The following DLGAP1 variants were observed in gnomAD, a reference collection of about 807,000 sequenced individuals.
DLGAP1 encodes DLG associated protein 1.
Under a neutral mutation model 90.8 loss-of-function variants are expected in DLGAP1, and 11 were observed. That is an observed-to-expected ratio of 0.12 (90% CI 0.08 to 0.20). The LOEUF (loss-of-function observed/expected upper bound fraction) is 0.20. Among genes scored for constraint, DLGAP1 ranks in the 10% least tolerant of loss-of-function variants. DLGAP1 has a pLI of 1.00. For synonymous variants in DLGAP1, 558 were observed against 540.7 expected, an observed-to-expected ratio of 1.03 and a Z score of -0.44; for missense variants, 1,050 against 1,333.8, an observed-to-expected ratio of 0.79 and a Z score of 3.31.
intron 5 of DLGAP1, among the ~76,000 whole-genome samples, chr18:3,807,070 T>C (rs565515552): frequency 3.9e-5 from 6 of 152,298 alleles, no homozygotes; most frequent in African/African-American, 1.4e-4. Flanking sequence ...TGGTCCTTCT[T>C]TCCTGCACCT....
chr18:4,094,367 C>A (rs1018297026), intron 2 of DLGAP1, among the ~76,000 whole-genome samples: 1 of 151,994 alleles, frequency 6.6e-6, no homozygotes, highest in Non-Finnish European at 1.5e-5. Flanking sequence ...TTATGGTACA[C>A]GGTTATGTAT....
intron 1 of DLGAP1, among the ~76,000 whole-genome samples, chr18:4,366,471 G>A (rs1314960321): frequency 6.6e-6 from 1 of 151,976 alleles, no homozygotes; most frequent in Non-Finnish European, 1.5e-5. Flanking sequence ...TTTCTTGTAG[G>A]GAGTGAAAAA....
chr18:4,242,515 CA>C lies in DLGAP1; in HGVS notation c.-266-91229del, dbSNP rs965000118. Among the ~76,000 whole-genome samples, 10 of 151,962 alleles carry C rather than the reference CA, an allele frequency of 6.6e-5. 1 individual carries two copies. Among genetic ancestry groups the C allele is most frequent in the Non-Finnish European group, 1.5e-5 (1 of 67,968 alleles). On this transcript the variant is annotated intron_variant, in intron 1 of 12. Coordinates refer to ENST00000315677, the MANE Select transcript of DLGAP1 (RefSeq NM_004746.4). ...CAAACTTAGGAAAAACTTTCCACTTCAAAAAAAGAGTCAGAACTTTCTTTGG... is the reference window on the plus strand; with the variant it reads ...CAAACTTAGGAAAAACTTTCCACTTCAAAAAAGAGTCAGAACTTTCTTTGG...
chr18:3,922,880 C>T (rs186771948), intron 3 of DLGAP1, among the ~76,000 whole-genome samples: 1 of 152,164 alleles, frequency 6.6e-6, no homozygotes, highest in Admixed American at 6.6e-5. Context: ...TTCCTGTGAT[C>T]CCAGCACTTT....
rs556553124 is a variant in DLGAP1 at position 4,333,510 on chromosome 18, T to C, written c.-267+121496A>G. 1.9e-4 allele frequency among the ~76,000 whole-genome samples: 29 copies of C among 151,832 alleles called. 1 individual carries two copies. In the South Asian group the frequency reaches 3.7e-3, roughly 20 times the overall value. On this transcript the variant is annotated intron_variant, in intron 1 of 12. Transcript: ENST00000315677. ...AGAGAGAGAAATAATTCGTGGTCAT[T>C]TGTTATAATGGACCATATCTTTAGA...
chr18:3,940,630 G>A (rs2072747987), intron 3 of DLGAP1, among the ~76,000 whole-genome samples: 1 of 152,112 alleles, frequency 6.6e-6, no homozygotes, highest in Non-Finnish European at 1.5e-5. Context: ...CCTAGTTCAG[G>A]TAAAATCAAG....
chr18:3,981,214 G>C (rs916361024), intron 3 of DLGAP1, among the ~76,000 whole-genome samples: 1 of 152,242 alleles, frequency 6.6e-6, no homozygotes, highest in Non-Finnish European at 1.5e-5. Flanking sequence ...AGAACACTCA[G>C]TTTTCCTCTG....
At position 3,879,631 on chromosome 18, in the gene DLGAP1, C is replaced by T. The variant is rs906982997; in HGVS notation, c.438G>A (p.Gln146=). The stretch of plus-strand genomic sequence containing the variant: ...GGGAGTGCGACTTGGTGAAGAGCTT[C>T]TGGACCGAGTGCACCAGGTGGCGGA... ...GRIRHLVHSV[Q]KLFTKSHSLE... The change falls in exon 4 of 13, where the codon CAG becomes CAA. Residue 146 remains glutamine, a synonymous_variant. Coordinates refer to ENST00000315677, the MANE Select transcript of DLGAP1 (RefSeq NM_004746.4). The surrounding 1 kb of genome is among the most constrained non-coding windows in gnomAD (Gnocchi z 6.6). 1.2e-6 allele frequency: 2 copies of T among 1,604,838 alleles called. No individual in the cohort carries two copies. The highest frequency in any genetic ancestry group is 2.2e-5 in the South Asian group (2 of 90,882).
At chr18:3,656,869 C>T (rs992022657) in intron 7 of DLGAP1, among the ~76,000 whole-genome samples, 5 of 152,074 alleles carry the variant, frequency 3.3e-5, no homozygotes, top group Admixed American at 1.3e-4. Context: ...GCCTCAGCCT[C>T]CCGAGTGGCT....
At chr18:3,794,556 A>C (rs1476475873) in intron 5 of DLGAP1, among the ~76,000 whole-genome samples, 4 of 152,296 alleles carry the variant, frequency 2.6e-5, no homozygotes. Context: ...CTGAAGGTGG[A>C]AGGTTCCTCT....
chr18:3,586,733 G>T (rs1290305558), intron 7 of DLGAP1, among the ~76,000 whole-genome samples: 1 of 152,094 alleles, frequency 6.6e-6, no homozygotes, highest in South Asian at 2.1e-4. Context: ...CTCATACAAC[G>T]AAATCCTTCC....
chr18:4,028,286 G>A (rs1041785065), intron 2 of DLGAP1, among the ~76,000 whole-genome samples: 3 of 152,172 alleles, frequency 2.0e-5, no homozygotes, highest in Non-Finnish European at 2.9e-5. Flanking sequence ...TCTATGCAAA[G>A]CATATTTATA....
At chr18:3,838,025 G>A (rs1464528142) in intron 4 of DLGAP1, among the ~76,000 whole-genome samples, 1 of 151,946 alleles carries the variant, frequency 6.6e-6, no homozygotes, top group African/African-American at 2.4e-5. Flanking sequence ...ATATAGATTG[G>A]GATGGAGCCA....
intron 1 of DLGAP1, among the ~76,000 whole-genome samples, chr18:4,191,112 AT>A (rs1331762183): frequency 1.3e-5 from 2 of 152,044 alleles, no homozygotes; most frequent in Non-Finnish European, 2.9e-5. Context: ...CCTGAAATTG[AT>A]TTTTTTCCTT....
chr18:3,902,210 A>C (rs535196536), intron 3 of DLGAP1, among the ~76,000 whole-genome samples: 17 of 152,338 alleles, frequency 1.1e-4, no homozygotes, highest in African/African-American at 4.1e-4. Flanking sequence ...AGCAGGCTTC[A>C]GTGGGCACAG....
chr18:4,070,233 T>A (rs909108486), intron 2 of DLGAP1, among the ~76,000 whole-genome samples: 2 of 152,168 alleles, frequency 1.3e-5, no homozygotes, highest in Non-Finnish European at 2.9e-5. Context: ...TCTGCCCACC[T>A]CAGCCTCCCA....
At chr18:4,179,811 A>C (rs2144650196) in intron 1 of DLGAP1, among the ~76,000 whole-genome samples, 1 of 152,242 alleles carries the variant, frequency 6.6e-6, no homozygotes, top group South Asian at 2.1e-4. Flanking sequence ...CAGTAACCTC[A>C]CTCAACACTT....
chr18:3,512,388 C>G (rs530196587), intron 10 of DLGAP1, among the ~76,000 whole-genome samples: 2 of 152,076 alleles, frequency 1.3e-5, no homozygotes, highest in Non-Finnish European at 2.9e-5. Context: ...AGTGGAAGTA[C>G]AAAACAAAAC....
chr18:3,736,810 C>T (rs1280321593), intron 6 of DLGAP1, among the ~76,000 whole-genome samples: 4 of 151,218 alleles, frequency 2.6e-5, no homozygotes, highest in African/African-American at 9.7e-5. Context: ...AAAAACCCTT[C>T]AAAAAATTAA....
Sources: allele counts gnomAD v4.1 joint callset (sites outside exome capture counted in the v4.1 genomes callset), GRCh38; gene constraint gnomAD v4.1.1; non-coding constraint Gnocchi (gnomAD v3.1); transcripts MANE v1.5; gene names NCBI Gene and HGNC (gene_info 2026-07-23, HGNC 2026-07-21).